Variants in IQCJ observed in about 807,000 individuals in gnomAD.
The protein encoded by IQCJ is IQ domain-containing protein J.
In IQCJ, 9 loss-of-function variants were observed where a neutral mutation model predicts 11.0. The observed-to-expected ratio is 0.82, with a 90% CI of 0.49 to 1.43. IQCJ has a LOEUF of 1.43. Among genes scored for constraint, IQCJ ranks in the 40% most tolerant of loss-of-function variants. IQCJ has a pLI of 0.00. For missense variants in IQCJ, 146 were observed against 133.2 expected, an observed-to-expected ratio of 1.10 and a Z score of -0.47; for synonymous variants, 55 against 51.3, an observed-to-expected ratio of 1.07 and a Z score of -0.31.
At chr3:159,177,030 C>T (rs989947377) in intron 1 of IQCJ, among the ~76,000 whole-genome samples, 5 of 152,076 alleles carry the variant, frequency 3.3e-5, no homozygotes, top group African/African-American at 1.2e-4. Context: ...TTGTTACATG[C>T]TAGAAAGTGG....
chr3:159,165,431 G>C (rs960818809), intron 1 of IQCJ, among the ~76,000 whole-genome samples: 1 of 152,238 alleles, frequency 6.6e-6, no homozygotes, highest in East Asian at 1.9e-4. Flanking sequence ...AGACAGATGT[G>C]GGGGATGGCA....
chr3:159,155,207 G>C (rs566119295), intron 1 of IQCJ, among the ~76,000 whole-genome samples: 1 of 152,228 alleles, frequency 6.6e-6, no homozygotes, highest in African/African-American at 2.4e-5. Flanking sequence ...ACCAAGGCTG[G>C]AGTGCAGTGG....
In IQCJ at chr3:159,075,928, G is replaced by A. The variant is rs73025585; in HGVS notation, c.9+6487G>A. Among the ~76,000 whole-genome samples the A allele has an allele frequency of 4.6e-5, 7 of 152,030 alleles. No individual in the cohort carries two copies. In the East Asian group the frequency reaches 1.4e-3, roughly 29 times the overall value. On this transcript the variant is annotated intron_variant, in intron 1 of 3. Transcript: ENST00000397832. ...ACATTGAGCTGGGCATGGAGGGTGT[G>A]AGCAGAAGCAGTGATTGGCTGGTAG... is the stretch of plus-strand genomic sequence containing the variant.
chr3:159,124,769 A>G (rs542725882), intron 1 of IQCJ, among the ~76,000 whole-genome samples: 7 of 152,328 alleles, frequency 4.6e-5, no homozygotes, highest in Admixed American at 2.6e-4. Context: ...TGCTCAAAAC[A>G]TGTTTGTTGA....
intron 1 of IQCJ, among the ~76,000 whole-genome samples, chr3:159,210,435 A>G (rs1293872110): frequency 1.3e-5 from 2 of 152,134 alleles, no homozygotes; most frequent in Non-Finnish European, 2.9e-5. Context: ...TTTGAGTTAT[A>G]TAGTTGGCCC....
intron 1 of IQCJ, among the ~76,000 whole-genome samples, chr3:159,119,943 A>G (rs191654602): frequency 3.5e-4 from 53 of 152,304 alleles, no homozygotes; most frequent in Admixed American, 7.2e-4. Context: ...AAATATCTAA[A>G]AAACCCTACT....
chr3:159,092,234 A>G lies in IQCJ; in HGVS notation c.9+22793A>G, dbSNP rs532720992. Among the ~76,000 whole-genome samples, 161 of 152,070 alleles carry G rather than the reference A, an allele frequency of 1.1e-3. 1 individual carries two copies. The highest frequency in any genetic ancestry group is 3.4e-3 in the Admixed American group (52 of 15,306). ...AAATGTTAAATCAGAATATAATCAC[A>G]AGGATACAGTCAGACAAATCCAGAA... On this transcript the variant is annotated intron_variant, in intron 1 of 3. Coordinates refer to ENST00000397832, the MANE Select transcript of IQCJ (RefSeq NM_001042706.3).
At chr3:159,134,935 T>C (rs1306038681) in intron 1 of IQCJ, among the ~76,000 whole-genome samples, 1 of 152,218 alleles carries the variant, frequency 6.6e-6, no homozygotes, top group African/African-American at 2.4e-5. Flanking sequence ...GTAATTTTAG[T>C]CCCTGAGGTA....
intron 1 of IQCJ, among the ~76,000 whole-genome samples, chr3:159,101,126 G>A (rs1405240157): frequency 4.3e-5 from 6 of 140,238 alleles, no homozygotes; most frequent in East Asian, 4.2e-4. Flanking sequence ...GGAGTGACCC[G>A]ATTTTCCAGG....
chr3:159,137,088 C>A (rs149018761), intron 1 of IQCJ, among the ~76,000 whole-genome samples: 1 of 151,992 alleles, frequency 6.6e-6, no homozygotes, highest in Non-Finnish European at 1.5e-5. Context: ...ATGGTGAAAC[C>A]CCATCTCTAC....
At chr3:159,247,651 G>A (rs370387093) in intron 2 of IQCJ, among the ~76,000 whole-genome samples, 11 of 152,172 alleles carry the variant, frequency 7.2e-5, no homozygotes, top group African/African-American at 1.9e-4. Flanking sequence ...AGGACTCTCC[G>A]TCAGACTAGG....
chr3:159,129,392 A>G (rs1434033132), intron 1 of IQCJ, among the ~76,000 whole-genome samples: 2 of 152,184 alleles, frequency 1.3e-5, no homozygotes, highest in Non-Finnish European at 2.9e-5. Flanking sequence ...ACATCTGCAA[A>G]TCTAATTGCA....
At chr3:159,133,895 T>G (rs1720139516) in intron 1 of IQCJ, among the ~76,000 whole-genome samples, 1 of 151,652 alleles carries the variant, frequency 6.6e-6, no homozygotes, top group Non-Finnish European at 1.5e-5. Context: ...GAGTCAAAGC[T>G]CTGCTTAAAT....
At chr3:159,193,395 T>A (rs1023000951) in intron 1 of IQCJ, among the ~76,000 whole-genome samples, 1 of 152,128 alleles carries the variant, frequency 6.6e-6, no homozygotes, top group African/African-American at 2.4e-5. Context: ...CTTCCAAAGG[T>A]CAGCTGAGTC....
intron 1 of IQCJ, among the ~76,000 whole-genome samples, chr3:159,072,067 G>A (rs1010358131): frequency 2.6e-5 from 4 of 152,112 alleles, no homozygotes; most frequent in African/African-American, 9.7e-5. Flanking sequence ...TGGGACAAAA[G>A]GAGGTGTCAA....
At chr3:159,147,202 A>G (rs537889676) in intron 1 of IQCJ, among the ~76,000 whole-genome samples, 1 of 152,358 alleles carries the variant, frequency 6.6e-6, no homozygotes, top group East Asian at 1.9e-4. Context: ...GGATGGGAGA[A>G]TAGACAGAAG....
chr3:159,189,964 G>T (rs1723589893), intron 1 of IQCJ, among the ~76,000 whole-genome samples: 1 of 152,214 alleles, frequency 6.6e-6, no homozygotes, highest in African/African-American at 2.4e-5. Context: ...AAACCCATTT[G>T]TATCAAGATA....
chr3:159,082,202 A>G (rs534677311), intron 1 of IQCJ, among the ~76,000 whole-genome samples: 2 of 152,306 alleles, frequency 1.3e-5, no homozygotes, highest in African/African-American at 2.4e-5. Flanking sequence ...AAAAGTATCT[A>G]TAATAAACTA....
Position 159,094,153 on chromosome 3 carries a change from T to C in IQCJ, c.9+24712T>C, listed in dbSNP as rs143799449. Among the ~76,000 whole-genome samples the C allele has an allele frequency of 1.3e-3, 193 of 151,902 alleles. 11 individuals are homozygous for C. The highest frequency in any genetic ancestry group is 4.6e-3 in the African/African-American group (190 of 41,184). On this transcript the variant is annotated intron_variant, in intron 1 of 3. Coordinates refer to ENST00000397832, the MANE Select transcript of IQCJ (RefSeq NM_001042706.3). ...CTCCTAGCCATCTTCAAAGTGACATTTCCTTCATTCACAATAATGGATTGA... is the reference window on the plus strand; with the variant it reads ...CTCCTAGCCATCTTCAAAGTGACATCTCCTTCATTCACAATAATGGATTGA...
Sources: gnomAD v4.1 joint callset for allele counts (sites outside exome capture counted in the v4.1 genomes callset) on GRCh38, gnomAD v4.1.1 for gene constraint, MANE v1.5 for transcripts, NCBI Gene and HGNC (gene_info 2026-07-23, HGNC 2026-07-21) for gene names.